The following DLG2 variants were observed in gnomAD, a reference collection of about 807,000 sequenced individuals.
DLG2 encodes the protein disks large homolog 2.
A neutral mutation model predicts 132.5 loss-of-function variants in DLG2; 45 were observed. The ratio of observed to expected loss-of-function variants is 0.34; its 90% CI spans 0.27 to 0.44. DLG2 has a LOEUF of 0.44. Among genes scored for constraint, DLG2 ranks in the 20% least tolerant of loss-of-function variants. DLG2 has a pLI of 1.00. For synonymous variants in DLG2, 424 were observed against 419.6 expected (o/e 1.01, Z -0.13); for missense variants, 1,045 against 1,196.9 (o/e 0.87, Z 1.87).
intron 6 of DLG2, among the ~76,000 whole-genome samples, chr11:84,892,065 ACTT>A (rs1326311741): frequency 6.6e-6 from 1 of 152,220 alleles, no homozygotes; most frequent in Non-Finnish European, 1.5e-5. Context: ...CTAACACAGG[ACTT>A]CAAGGTCTAC....
intron 16 of DLG2, among the ~76,000 whole-genome samples, chr11:83,858,721 T>C (rs1410284488): frequency 6.6e-6 from 1 of 152,164 alleles, no homozygotes; most frequent in African/African-American, 2.4e-5. Flanking sequence ...ATAATGATAT[T>C]TTCTTCTGCA....
intron 3 of DLG2, among the ~76,000 whole-genome samples, chr11:85,462,240 T>C (rs2092639495): frequency 6.6e-6 from 1 of 152,250 alleles, no homozygotes; most frequent in Non-Finnish European, 1.5e-5. Context: ...GAAGTCAGTG[T>C]GGCGATTCCT....
chr11:84,927,339 C>T (rs1326256166), intron 6 of DLG2, among the ~76,000 whole-genome samples: 2 of 151,696 alleles, frequency 1.3e-5, no homozygotes, highest in African/African-American at 2.4e-5. Flanking sequence ...GTTTTGTTTT[C>T]TTTAGATAGG....
chr11:83,639,273 T>C (rs1261615497), intron 18 of DLG2, among the ~76,000 whole-genome samples: 1 of 152,148 alleles, frequency 6.6e-6, no homozygotes, highest in Non-Finnish European at 1.5e-5. Context: ...GATTGCCAGA[T>C]AAGAGGAAGC....
chr11:84,276,571 GTC>G (rs2097785040), intron 7 of DLG2, among the ~76,000 whole-genome samples: 1 of 152,174 alleles, frequency 6.6e-6, no homozygotes, highest in Non-Finnish European at 1.5e-5. Flanking sequence ...GTGTGCAACT[GTC>G]TCTGCCCACA....
intron 8 of DLG2, among the ~76,000 whole-genome samples, chr11:84,209,386 A>G (rs1319479585): frequency 6.6e-6 from 1 of 152,174 alleles, no homozygotes; most frequent in Non-Finnish European, 1.5e-5. Flanking sequence ...GCAATGCGGA[A>G]TCTCGGACTG....
intron 7 of DLG2, among the ~76,000 whole-genome samples, chr11:84,298,501 T>C (rs943573171): frequency 6.6e-6 from 1 of 152,188 alleles, no homozygotes; most frequent in Admixed American, 6.5e-5. Flanking sequence ...TTTTTAAAGA[T>C]ACCACCCTTT....
At chr11:84,904,988 A>G (rs902141134) in intron 6 of DLG2, among the ~76,000 whole-genome samples, 1 of 152,062 alleles carries the variant, frequency 6.6e-6, no homozygotes, top group African/African-American at 2.4e-5. Flanking sequence ...CAGTGGTGCT[A>G]TCTTAGCCTC....
intron 19 of DLG2, among the ~76,000 whole-genome samples, chr11:83,583,491 G>T (rs900400787): frequency 3.9e-5 from 6 of 152,248 alleles, no homozygotes; most frequent in Admixed American, 3.9e-4. Flanking sequence ...TATTCTCTGG[G>T]GCCTGGTATT....
intron 18 of DLG2, among the ~76,000 whole-genome samples, chr11:83,698,651 T>C (rs1326875368): frequency 6.6e-6 from 1 of 152,248 alleles, no homozygotes; most frequent in Non-Finnish European, 1.5e-5. Context: ...ATAATAATTG[T>C]ACTATAGTTA....
intron 8 of DLG2, among the ~76,000 whole-genome samples, chr11:84,165,743 C>T (rs985400868): frequency 6.6e-6 from 1 of 151,958 alleles, no homozygotes; most frequent in Non-Finnish European, 1.5e-5. Context: ...ACTAAAAATA[C>T]AAAAATTAGC....
chr11:83,620,048 C>T (rs1230013382), intron 19 of DLG2, among the ~76,000 whole-genome samples: 1 of 152,104 alleles, frequency 6.6e-6, no homozygotes, highest in Non-Finnish European at 1.5e-5. Context: ...CAATTCACAC[C>T]ACATTTTCTC....
At chr11:84,277,506 G>C (rs2097793724) in intron 7 of DLG2, among the ~76,000 whole-genome samples, 1 of 152,054 alleles carries the variant, frequency 6.6e-6, no homozygotes. Context: ...TTAAAAATGA[G>C]AATATATTTT....
At chr11:84,160,805 T>C (rs1374751934) in intron 9 of DLG2, among the ~76,000 whole-genome samples, 1 of 152,212 alleles carries the variant, frequency 6.6e-6, no homozygotes, top group African/African-American at 2.4e-5. Context: ...GGAACTTTCC[T>C]TCATTGCCAT....
chr11:84,951,603 CAT>C lies in DLG2; in HGVS notation c.357+160056_357+160057del, dbSNP rs554180425. Among the ~76,000 whole-genome samples, 382 of 149,622 alleles carry C rather than the reference CAT, an allele frequency of 2.6e-3. 2 individuals carry two copies. The highest frequency in any genetic ancestry group is 8.9e-3 in the African/African-American group (358 of 40,436). On this transcript the variant is annotated intron_variant, in intron 6 of 27. Transcript: ENST00000376104. Reference sequence around the variant, plus strand: ...TTTAATACATACATATATATATACACATATATATACACATATATATGCATTCT... The same window carrying C: ...TTTAATACATACATATATATATACACATATATACACATATATATGCATTCT...
At chr11:84,503,081 G>A (rs985712819) in intron 7 of DLG2, among the ~76,000 whole-genome samples, 2 of 152,190 alleles carry the variant, frequency 1.3e-5, no homozygotes, top group Non-Finnish European at 2.9e-5. Context: ...TTCTAATAAT[G>A]ATTTGAAGGA....
At chr11:84,093,645 C>T (rs1006506806) in intron 10 of DLG2, among the ~76,000 whole-genome samples, 2 of 151,796 alleles carry the variant, frequency 1.3e-5, no homozygotes, top group African/African-American at 2.4e-5. Flanking sequence ...GATGGGGTCT[C>T]GCTCTGTTGC....
At chr11:85,467,735 C>T (rs146546275) in intron 3 of DLG2, among the ~76,000 whole-genome samples, 289 of 152,256 alleles carry the variant, frequency 1.9e-3, no homozygotes, top group Middle Eastern at 3.4e-3. Flanking sequence ...AGGATTTTTG[C>T]ATCGATGTTC....
intron 19 of DLG2, among the ~76,000 whole-genome samples, chr11:83,572,222 A>T (rs2096808033): frequency 6.6e-6 from 1 of 152,040 alleles, no homozygotes; most frequent in African/African-American, 2.4e-5. Context: ...TTTTTGTTTT[A>T]TATTTGAAAA....
Sources: gnomAD v4.1 joint callset for allele counts (sites outside exome capture counted in the v4.1 genomes callset) on GRCh38, gnomAD v4.1.1 for gene constraint, MANE v1.5 for transcripts, NCBI Gene and HGNC (gene_info 2026-07-23, HGNC 2026-07-21) for gene names.